TSPEAR: variants seen among roughly 807,000 people sequenced by gnomAD.
The protein encoded by TSPEAR is thrombospondin type laminin G domain and EAR repeats.
A neutral mutation model predicts 71.6 loss-of-function variants in TSPEAR; 69 were observed. The observed-to-expected ratio is 0.96, with a 90% confidence interval of 0.79 to 1.18. TSPEAR has a LOEUF of 1.18. Among genes scored for constraint, TSPEAR ranks in the 50% most tolerant of loss-of-function variants. TSPEAR has a pLI of 0.00. For synonymous variants in TSPEAR, 402 were observed against 387.2 expected (o/e 1.04, Z -0.45); for missense variants, 971 against 894.9 (o/e 1.09, Z -1.09).
chr21:44,672,789 G>T (rs1601551806), intron 1 of TSPEAR, among the ~76,000 whole-genome samples: 2 of 152,266 alleles, frequency 1.3e-5, no homozygotes, highest in Non-Finnish European at 2.9e-5. Flanking sequence ...CCCCCTTGCA[G>T]TTCTCCTGAT....
chr21:44,598,805 TC>T (rs1446730457), intron 1 of TSPEAR, among the ~76,000 whole-genome samples: 1 of 152,218 alleles, frequency 6.6e-6, no homozygotes, highest in Non-Finnish European at 1.5e-5. Context: ...TATCCTTCCG[TC>T]ATCCTGCCTA....
At chr21:44,596,326 A>T (rs1164947022) in intron 1 of TSPEAR, among the ~76,000 whole-genome samples, 2 of 151,576 alleles carry the variant, frequency 1.3e-5, no homozygotes, top group African/African-American at 4.8e-5. Flanking sequence ...ACATCCCATC[A>T]CCCTCTCTGT....
At chr21:44,600,740 G>GCTGCTGCGAGCCCCC in intron 1 of TSPEAR, 1 of 1,611,114 alleles carries the variant, frequency 6.2e-7, no homozygotes. Flanking sequence ...TGCCCAGAGA[G>GCTGCTGCGAGCCCCC]CTGCTGCGAG....
chr21:44,659,475 C>G (rs936397382), intron 1 of TSPEAR, among the ~76,000 whole-genome samples: 1 of 152,160 alleles, frequency 6.6e-6, no homozygotes, highest in Admixed American at 6.5e-5. Context: ...CACCTCCCCC[C>G]ACACACTAAT....
chr21:44,664,800 A>C (rs10854463), intron 1 of TSPEAR, among the ~76,000 whole-genome samples: 109,127 of 152,156 alleles, frequency 0.72, 39,621 homozygotes, highest in African/African-American at 0.82. Flanking sequence ...CTTGCTAACA[A>C]ATGCCCCATG....
At chr21:44,649,557 T>C (rs1984649490) in intron 1 of TSPEAR, among the ~76,000 whole-genome samples, 1 of 152,114 alleles carries the variant, frequency 6.6e-6, no homozygotes, top group Non-Finnish European at 1.5e-5. Context: ...ACACCCCTTC[T>C]CCCGTGTGGC....
In TSPEAR at chr21:44,574,933, G is replaced by C. The variant is rs782090230; in HGVS notation, c.83-6928C>G. 6.9e-6 allele frequency: 11 copies of C among 1,605,600 alleles called. No homozygotes were observed. In the South Asian group the frequency reaches 1.2e-4, roughly 18 times the overall value. ...ACCTCCTCCTGCCAACCCAGCTGCT[G>C]CCGCCCAGCCTCCTGCGTGTCCCTC... On this transcript the variant is annotated intron_variant, in intron 1 of 11. Coordinates refer to ENST00000323084, the MANE Select transcript of TSPEAR (RefSeq NM_144991.3).
chr21:44,572,886 C>T (rs1978289124), intron 1 of TSPEAR, among the ~76,000 whole-genome samples: 2 of 131,794 alleles, frequency 1.5e-5, no homozygotes, highest in African/African-American at 5.8e-5. Flanking sequence ...CACACACACA[C>T]GGAGAAGCTG....
chr21:44,562,025 A>C (rs587659993), intron 2 of TSPEAR, among the ~76,000 whole-genome samples: 1 of 152,312 alleles, frequency 6.6e-6, no homozygotes, highest in Non-Finnish European at 1.5e-5. Flanking sequence ...CGAATAGAAA[A>C]AGAGGAAGCC....
At chr21:44,539,346 C>T (rs781974603) in intron 2 of TSPEAR, 25 of 1,612,126 alleles carry the variant, frequency 1.6e-5, no homozygotes, top group Admixed American at 6.7e-5. Flanking sequence ...AGGAGGGACA[C>T]GCAGGAGGCC....
chr21:44,502,801 C>T (rs2052059985), intron 11 of TSPEAR, among the ~76,000 whole-genome samples: 1 of 151,814 alleles, frequency 6.6e-6, no homozygotes, highest in Non-Finnish European at 1.5e-5. Context: ...AGAAGGTGAG[C>T]CCCCGGGGGG....
intron 1 of TSPEAR, chr21:44,677,737 C>T: frequency 7.2e-7 from 1 of 1,382,536 alleles, no homozygotes; most frequent in Admixed American, 1.7e-5. Context: ...TCTTTTGTTA[C>T]TTCTGATACA....
At chr21:44,607,670 A>C (rs587623916) in intron 1 of TSPEAR, among the ~76,000 whole-genome samples, 2 of 152,338 alleles carry the variant, frequency 1.3e-5, no homozygotes, top group Non-Finnish European at 2.9e-5. Context: ...CCACACATCC[A>C]TAAACATGAC....
chr21:44,601,467 G>A (rs782524076), intron 1 of TSPEAR: 1 of 1,609,994 alleles, frequency 6.2e-7, no homozygotes, highest in Non-Finnish European at 8.5e-7. Context: ...TCTGCTCTGG[G>A]GCTTCCACTT....
intron 1 of TSPEAR, chr21:44,658,388 A>T: frequency 2.0e-6 from 2 of 990,272 alleles, no homozygotes; most frequent in Non-Finnish European, 3.0e-6. Flanking sequence ...AAACCTCTGA[A>T]CTCTGGGGTG....
At chr21:44,580,643 G>A in intron 1 of TSPEAR, 1 of 1,507,120 alleles carries the variant, frequency 6.6e-7, no homozygotes, top group Non-Finnish European at 9.1e-7. Flanking sequence ...GTGTGAGTGA[G>A]TGAAGGAGGG....
intron 6 of TSPEAR, 45 bp from the exon 7 acceptor site, chr21:44,527,563 G>T: frequency 6.3e-7 from 1 of 1,593,664 alleles, no homozygotes; most frequent in South Asian, 1.1e-5. Flanking sequence ...TCCGAGAACG[G>T]AAATCCAGAG....
rs1489298911 is a variant in TSPEAR, at chr21:44,527,464, T to G, written c.977A>C (p.Glu326Ala). 1.9e-5 allele frequency: 31 copies of G among 1,614,114 alleles called. No individual in the cohort carries two copies. The highest frequency in any genetic ancestry group is 2.7e-5 in the African/African-American group (2 of 74,934). ...EEHQNLSTNS[E>A]TLGIEVFRIP... ...GCGGAACACCTCAATGCCCAGGGTC[T>G]CTGAGTTGGTGGACAAGTTCTGATG... The change falls in exon 7 of 12, where the codon GAG becomes GCG. Residue 326 changes from glutamate (E) to alanine (A), a missense_variant. Transcript: ENST00000323084.
intron 1 of TSPEAR, among the ~76,000 whole-genome samples, chr21:44,605,399 A>G (rs2146161384): frequency 6.6e-6 from 1 of 152,388 alleles, no homozygotes; most frequent in East Asian, 1.9e-4. Context: ...TACAGATTCA[A>G]TGCAATCTCT....
Sources: gnomAD v4.1 joint callset for allele counts (sites outside exome capture counted in the v4.1 genomes callset) on GRCh38, gnomAD v4.1.1 for gene constraint, MANE v1.5 for transcripts, NCBI Gene and HGNC (gene_info 2026-07-23, HGNC 2026-07-21) for gene names.